JARID2: variants seen among roughly 807,000 people sequenced by gnomAD.
The protein encoded by JARID2 is jumonji and AT-rich interaction domain containing 2, also known as protein Jumonji.
Under a neutral mutation model 125.6 loss-of-function variants are expected in JARID2, and 21 were observed. The observed-to-expected ratio is 0.17, with a 90% CI of 0.12 to 0.24. The LOEUF (loss-of-function observed/expected upper bound fraction) is 0.24. JARID2 is among the 10% of genes least tolerant of loss of function. The probability of loss-of-function intolerance (pLI) is 1.00; values close to 1 mark genes in which losing one functional copy is unlikely to be tolerated. For missense variants in JARID2, 1,303 were observed against 1,639.6 expected, an observed-to-expected ratio of 0.79 and a Z score of 3.55; for synonymous variants, 736 against 661.6, an observed-to-expected ratio of 1.11 and a Z score of -1.73.
At chr6:15,316,562 T>A (rs1410878996) in intron 1 of JARID2, among the ~76,000 whole-genome samples, 1 of 151,698 alleles carries the variant, frequency 6.6e-6, no homozygotes. Context: ...TGAGATGGAG[T>A]CTCTCTCTGT....
intron 4 of JARID2, among the ~76,000 whole-genome samples, chr6:15,462,138 T>A (rs1768482385): frequency 2.0e-5 from 3 of 152,210 alleles, no homozygotes; most frequent in East Asian, 3.8e-4. Flanking sequence ...TTTGTCTTGA[T>A]ACAATGGAGA....
intron 2 of JARID2, among the ~76,000 whole-genome samples, chr6:15,389,820 G>A (rs745417382): frequency 2.0e-5 from 3 of 152,116 alleles, no homozygotes; most frequent in Non-Finnish European, 2.9e-5. Context: ...ACTATTTTAT[G>A]GTAATATGAT....
At chr6:15,473,856 T>C (rs1254154156) in intron 5 of JARID2, among the ~76,000 whole-genome samples, 1 of 152,030 alleles carries the variant, frequency 6.6e-6, no homozygotes, top group Non-Finnish European at 1.5e-5. Context: ...GTGGAGGGAA[T>C]GGAATAAAGC....
chr6:15,292,191 T>TAGAGACGGGG (rs1317602977), intron 1 of JARID2, among the ~76,000 whole-genome samples: 1 of 152,046 alleles, frequency 6.6e-6, no homozygotes, highest in African/African-American at 2.4e-5. Flanking sequence ...TAATTTTTTT[T>TAGAGACGGGG]TTTGTATTTT....
chr6:15,359,500 A>G (rs1277373272), intron 1 of JARID2, among the ~76,000 whole-genome samples: 1 of 150,884 alleles, frequency 6.6e-6, no homozygotes, highest in African/African-American at 2.4e-5. Flanking sequence ...TCATGACTAT[A>G]TTTTTAGCTA....
At chr6:15,366,520 G>GA (rs1763983618) in intron 1 of JARID2, among the ~76,000 whole-genome samples, 2 of 141,312 alleles carry the variant, frequency 1.4e-5, no homozygotes, top group African/African-American at 5.2e-5. Flanking sequence ...GGGGGGGGCG[G>GA]GGGGGGTGGG....
intron 2 of JARID2, among the ~76,000 whole-genome samples, chr6:15,384,797 G>A (rs1359137850): frequency 6.6e-6 from 1 of 152,016 alleles, no homozygotes; most frequent in Non-Finnish European, 1.5e-5. Context: ...TCGAACTGCC[G>A]GGCTTAAGTG....
intron 1 of JARID2, among the ~76,000 whole-genome samples, chr6:15,279,956 C>A (rs1262641104): frequency 6.6e-6 from 1 of 152,094 alleles, no homozygotes; most frequent in Non-Finnish European, 1.5e-5. Context: ...AATCCCCTTC[C>A]CTCACTGACT....
At chr6:15,289,089 C>T (rs1761107799) in intron 1 of JARID2, among the ~76,000 whole-genome samples, 1 of 152,030 alleles carries the variant, frequency 6.6e-6, no homozygotes, top group Admixed American at 6.6e-5. Flanking sequence ...TTGGTGAAAC[C>T]CCGTTAACAG....
chr6:15,313,274 G>A (rs1001199019), intron 1 of JARID2, among the ~76,000 whole-genome samples: 1 of 152,142 alleles, frequency 6.6e-6, no homozygotes, highest in African/African-American at 2.4e-5. Context: ...CCATTCTATT[G>A]TCTGTGTGTG....
In JARID2 at chr6:15,496,650, G is replaced by C. The variant is rs746665947; in HGVS notation, c.1425G>C (p.Pro475=). 6.2e-7 allele frequency: 1 copy of C among 1,612,088 alleles called. No homozygotes were observed. Among genetic ancestry groups the C allele is most frequent in the Non-Finnish European group, 8.5e-7 (1 of 1,179,704 alleles). Residue 475 remains proline (P), a synonymous_variant, in exon 7 of 18, where the codon CCG becomes CCC. Coordinates refer to ENST00000341776, the MANE Select transcript of JARID2 (RefSeq NM_004973.4). ...GPAEGPGKKA[P]AERGLLNGHV... ...CCGAAGGCCCTGGCAAGAAGGCCCC[G>C]GCCGAGAGAGGTCTGCTGAACGGAC...
intron 1 of JARID2, among the ~76,000 whole-genome samples, chr6:15,279,006 A>T (rs1375573205): frequency 6.6e-6 from 1 of 151,244 alleles, no homozygotes; most frequent in African/African-American, 2.4e-5. Flanking sequence ...CATGAGAATC[A>T]CTTGAACCTG....
At chr6:15,423,551 T>A (rs960388073) in intron 3 of JARID2, among the ~76,000 whole-genome samples, 14 of 152,228 alleles carry the variant, frequency 9.2e-5, no homozygotes, top group African/African-American at 3.4e-4. Context: ...TAAGTTCACT[T>A]TTATGGGTCA....
rs1257382719 is a variant in JARID2, at chr6:15,359,303, A to G, written c.46-14814A>G. Among the ~76,000 whole-genome samples the G allele has an allele frequency of 2.6e-5, 4 of 152,300 alleles. No individual in the cohort carries two copies. The East Asian group carries it at 7.7e-4, about 29-fold the overall frequency. On this transcript the variant is annotated intron_variant, in intron 1 of 17. Transcript: ENST00000341776. ...ACTCCTTTGGATGTTGCGCTGCTGT[A>G]TACTTTACTGTCCCAACAGCTTTTC...
At chr6:15,312,275 G>A (rs1361609551) in intron 1 of JARID2, among the ~76,000 whole-genome samples, 2 of 152,094 alleles carry the variant, frequency 1.3e-5, no homozygotes, top group African/African-American at 2.4e-5. Context: ...GGCTGGGCTC[G>A]AACTCCTGAC....
intron 1 of JARID2, among the ~76,000 whole-genome samples, chr6:15,260,553 C>G (rs1418000745): frequency 6.6e-6 from 1 of 152,174 alleles, no homozygotes; most frequent in African/African-American, 2.4e-5. Context: ...ATACTTGTCT[C>G]AAATATAAAC....
intron 1 of JARID2, among the ~76,000 whole-genome samples, chr6:15,279,328 T>C (rs997592871): frequency 6.6e-6 from 1 of 152,222 alleles, no homozygotes; most frequent in African/African-American, 2.4e-5. Context: ...GTCACTCCTA[T>C]CTGCAATGTC....
chr6:15,414,666 T>A (rs1326239280), intron 3 of JARID2, among the ~76,000 whole-genome samples: 1 of 151,842 alleles, frequency 6.6e-6, no homozygotes, highest in Non-Finnish European at 1.5e-5. Context: ...AAAAGATGAG[T>A]GGAGATTCTG....
chr6:15,342,008 A>AG (rs553505847), intron 1 of JARID2, among the ~76,000 whole-genome samples: 12,043 of 151,804 alleles, frequency 0.079, 620 homozygotes, highest in African/African-American at 0.14. Context: ...TAAAATAAAA[A>AG]GGGGGGGGAC....
Sources: gnomAD v4.1 joint callset for allele counts (sites outside exome capture counted in the v4.1 genomes callset) on GRCh38, gnomAD v4.1.1 for gene constraint, MANE v1.5 for transcripts, NCBI Gene and HGNC (gene_info 2026-07-23, HGNC 2026-07-21) for gene names.